Variants in NEGR1 observed in about 807,000 individuals in gnomAD.
The protein encoded by NEGR1 is neuronal growth regulator 1, also known as IgLON family member 4.
NEGR1 carries 10 observed loss-of-function variants against 40.9 expected under a neutral mutation model. That is an observed-to-expected ratio of 0.24 (90% CI 0.15 to 0.42). NEGR1 has a LOEUF of 0.42. Ranked by LOEUF, NEGR1 falls within the 10% of genes least tolerant of loss-of-function variation. NEGR1 has a pLI of 1.00. For missense variants in NEGR1, 352 were observed against 438.9 expected (o/e 0.80, Z 1.77); for synonymous variants, 185 against 166.8 (o/e 1.11, Z -0.84).
chr1:72,243,699 G>T (rs1292801691), intron 1 of NEGR1, among the ~76,000 whole-genome samples: 1 of 151,558 alleles, frequency 6.6e-6, no homozygotes, highest in Non-Finnish European at 1.5e-5. Flanking sequence ...TAAAACCAAA[G>T]TCTGTGATGT....
chr1:71,558,722 C>CTTT (rs34141206), intron 6 of NEGR1, among the ~76,000 whole-genome samples: 1 of 134,312 alleles, frequency 7.4e-6, no homozygotes, highest in Admixed American at 7.4e-5. Context: ...TCTTTTCTTT[C>CTTT]TTTTTTTTTT....
chr1:72,241,666 T>C (rs1389060730), intron 1 of NEGR1, among the ~76,000 whole-genome samples: 1 of 151,592 alleles, frequency 6.6e-6, no homozygotes, highest in African/African-American at 2.4e-5. Flanking sequence ...CAAACAATAG[T>C]TGCATGATCA....
intron 6 of NEGR1, among the ~76,000 whole-genome samples, chr1:71,544,417 A>G (rs1385270053): frequency 6.6e-6 from 1 of 151,672 alleles, no homozygotes; most frequent in Non-Finnish European, 1.5e-5. Flanking sequence ...AATCTAAGTA[A>G]TATCTGCCTA....
intron 6 of NEGR1, among the ~76,000 whole-genome samples, chr1:71,586,407 CCA>C (rs1649307701): frequency 6.6e-6 from 1 of 152,138 alleles, no homozygotes; most frequent in African/African-American, 2.4e-5. Context: ...CAAACTAACT[CCA>C]GTTTTATCTT....
intron 1 of NEGR1, among the ~76,000 whole-genome samples, chr1:71,973,813 G>T (rs775662677): frequency 1.3e-5 from 2 of 152,154 alleles, no homozygotes; most frequent in Non-Finnish European, 2.9e-5. Context: ...AGGCTGCCTG[G>T]CTTCAGTGTT....
intron 3 of NEGR1, among the ~76,000 whole-genome samples, chr1:71,774,756 T>C (rs917375291): frequency 1.6e-4 from 24 of 152,174 alleles, no homozygotes; most frequent in African/African-American, 5.1e-4. Context: ...TTATTAAAAG[T>C]ACATCTCTGA....
At chr1:72,187,781 A>T (rs1652665185) in intron 1 of NEGR1, among the ~76,000 whole-genome samples, 1 of 151,398 alleles carries the variant, frequency 6.6e-6, no homozygotes, top group African/African-American at 2.4e-5. Flanking sequence ...TCTTCACCAC[A>T]ACCCCGTTAG....
chr1:71,941,146 G>C (rs920414388), intron 1 of NEGR1, among the ~76,000 whole-genome samples: 16 of 152,124 alleles, frequency 1.1e-4, no homozygotes, highest in Admixed American at 7.2e-4. Flanking sequence ...GCATCATAAA[G>C]TCCTAAATTT....
chr1:71,454,768 G>A (rs1430984856), intron 6 of NEGR1, among the ~76,000 whole-genome samples: 1 of 152,258 alleles, frequency 6.6e-6, no homozygotes. Context: ...TGACTCACAA[G>A]ATGTGCCTAC....
chr1:71,769,388 G>A (rs567955042), intron 3 of NEGR1, among the ~76,000 whole-genome samples: 28 of 152,226 alleles, frequency 1.8e-4, no homozygotes, highest in African/African-American at 6.5e-4. Flanking sequence ...TTCAGGAACA[G>A]AGTTACAAAT....
intron 6 of NEGR1, among the ~76,000 whole-genome samples, chr1:71,492,576 C>A (rs947749594): frequency 2.0e-5 from 3 of 152,008 alleles, no homozygotes; most frequent in African/African-American, 7.2e-5. Flanking sequence ...CAGTAAGCAG[C>A]TTCTTGTTAT....
chr1:71,884,947 C>G (rs1369731402), intron 2 of NEGR1, among the ~76,000 whole-genome samples: 2 of 152,156 alleles, frequency 1.3e-5, no homozygotes, highest in Non-Finnish European at 2.9e-5. Flanking sequence ...CTTTTACAAG[C>G]TAAAATCAGT....
At chr1:71,903,846 A>T (rs1164869695) in intron 2 of NEGR1, among the ~76,000 whole-genome samples, 1 of 151,608 alleles carries the variant, frequency 6.6e-6, no homozygotes, top group African/African-American at 2.4e-5. Flanking sequence ...ATAAAAAATG[A>T]TGTATTTTTC....
At chr1:71,917,697 G>A (rs1207627796) in intron 2 of NEGR1, among the ~76,000 whole-genome samples, 4 of 150,850 alleles carry the variant, frequency 2.7e-5, no homozygotes, top group Non-Finnish European at 4.4e-5. Flanking sequence ...GGAGAATGGC[G>A]TGAACCCGGG....
At chr1:71,747,406 T>C (rs1473911211) in intron 3 of NEGR1, among the ~76,000 whole-genome samples, 8 of 151,800 alleles carry the variant, frequency 5.3e-5, no homozygotes, top group Non-Finnish European at 1.5e-5. Context: ...AAAATAGCCA[T>C]GTGGTGAAAA....
At chr1:71,861,053 T>C (rs887317059) in intron 2 of NEGR1, among the ~76,000 whole-genome samples, 1 of 152,168 alleles carries the variant, frequency 6.6e-6, no homozygotes, top group South Asian at 2.1e-4. Flanking sequence ...CATCTCACCA[T>C]AGGGAAAAAG....
intron 4 of NEGR1, among the ~76,000 whole-genome samples, chr1:71,689,717 T>C (rs1460346951): frequency 2.6e-5 from 4 of 151,762 alleles, no homozygotes; most frequent in Non-Finnish European, 4.4e-5. Flanking sequence ...GTTGGTTTAG[T>C]ATCACTATAC....
intron 1 of NEGR1, among the ~76,000 whole-genome samples, chr1:72,109,454 T>C (rs1394137037): frequency 6.6e-6 from 1 of 151,688 alleles, no homozygotes; most frequent in Non-Finnish European, 1.5e-5. Flanking sequence ...TGAGTATTGT[T>C]AAAAATTTTT....
chr1:71,495,168 G>A (rs1490119378), intron 6 of NEGR1, among the ~76,000 whole-genome samples: 1 of 152,068 alleles, frequency 6.6e-6, no homozygotes, highest in African/African-American at 2.4e-5. Context: ...TTAGTAATTA[G>A]GTTTTGGAGG....
Sources: allele counts gnomAD v4.1 joint callset (sites outside exome capture counted in the v4.1 genomes callset), GRCh38; gene constraint gnomAD v4.1.1; transcripts MANE v1.5; gene names NCBI Gene and HGNC (gene_info 2026-07-23, HGNC 2026-07-21).